The following ABI3 variants were observed in gnomAD, a reference collection of about 807,000 sequenced individuals.
ABI3 encodes ABI family member 3.
In ABI3, 24 loss-of-function variants were observed where a neutral mutation model predicts 37.0. That is an observed-to-expected ratio of 0.65 (90% CI 0.47 to 0.91). The LOEUF (loss-of-function observed/expected upper bound fraction) is 0.91, where lower values mean the gene tolerates loss of function less well. Among genes scored for constraint, ABI3 ranks in the 40% least tolerant of loss-of-function variants. ABI3 has a pLI of 0.00. For missense variants in ABI3, 481 were observed against 485.1 expected (o/e 0.99, Z 0.08); for synonymous variants, 220 against 211.8 (o/e 1.04, Z -0.34).
At chr17:49,222,429 G>T in intron 7 of ABI3, 123 bp from the exon 8 acceptor site, 1 of 1,397,436 alleles carries the variant, frequency 7.2e-7, no homozygotes, top group South Asian at 1.3e-5. Context: ...AGGCTTGCAA[G>T]AAGGCCCCCA....
rs2043307774 is a variant in ABI3, at chr17:49,222,806, G to A, written c.*91G>A. 1.4e-6 allele frequency: 2 copies of A among 1,389,940 alleles called. No homozygotes were observed. Among genetic ancestry groups the A allele is most frequent in the Non-Finnish European group, 1.9e-6 (2 of 1,029,866 alleles). 86.1% of individuals were successfully genotyped at this position (1,389,940 alleles called of 1,614,324 possible). A position where few individuals can be genotyped will look rare whatever the true frequency, so the allele number is the denominator to read the frequency against. The stretch of plus-strand genomic sequence containing the variant: ...CCAGCTCCAGTCACAGCTGGACTGG[G>A]TCTGCCCACCTCTTGGGCTGTGAGC... On this transcript the variant is annotated 3_prime_UTR_variant, in exon 8 of 8. Transcript: ENST00000225941.
At chr17:49,217,235 C>T (rs1178256648) in intron 2 of ABI3, among the ~76,000 whole-genome samples, 1 of 152,194 alleles carries the variant, frequency 6.6e-6, no homozygotes, top group African/African-American at 2.4e-5. Flanking sequence ...ACATCACCCA[C>T]ATGTTCAGTG....
chr17:49,216,924 C>G (rs1225679602), intron 2 of ABI3, among the ~76,000 whole-genome samples: 4 of 152,160 alleles, frequency 2.6e-5, no homozygotes, highest in African/African-American at 4.8e-5. Flanking sequence ...GAATTATATC[C>G]TGGACATGAG....
In ABI3 at chr17:49,212,734, G is replaced by A. The variant is rs80040844; in HGVS notation, c.117+1893G>A. ...CTAGTGTCAGAGCCTGAATTCAAAC[G>A]CAGAAATCTGATTCCAGAGCCCACT... is the stretch of plus-strand genomic sequence containing the variant. On this transcript the variant is annotated intron_variant, in intron 1 of 7. Transcript: ENST00000225941. Among the ~76,000 whole-genome samples the A allele has an allele frequency of 4.5e-3, 681 of 152,272 alleles. 4 individuals are homozygous for A. The highest frequency in any genetic ancestry group is 0.015 in the African/African-American group (639 of 41,550).
chr17:49,214,652 G>A (rs992595922), intron 1 of ABI3, among the ~76,000 whole-genome samples: 2 of 152,222 alleles, frequency 1.3e-5, no homozygotes, highest in Non-Finnish European at 2.9e-5. Context: ...GGAGGTTGGG[G>A]TGAGCTGAGA....
chr17:49,215,410 G>C (rs1402812011), intron 1 of ABI3, among the ~76,000 whole-genome samples: 1 of 152,086 alleles, frequency 6.6e-6, no homozygotes, highest in African/African-American at 2.4e-5. Context: ...AATGAATAAA[G>C]TCCCTCTGTT....
Position 49,219,442 on chromosome 17 carries a change from C to A in ABI3, c.463-98C>A. 1 of 1,105,416 alleles carries A rather than the reference C, an allele frequency of 9.0e-7. No individual in the cohort carries two copies. The highest frequency in any genetic ancestry group is 1.3e-6 in the Non-Finnish European group (1 of 765,748). 68.5% of individuals were successfully genotyped at this position (1,105,416 alleles called of 1,614,324 possible). On this transcript the variant is annotated intron_variant, in intron 3 of 7. Transcript: ENST00000225941. This position sits in a 1 kb window ranked among gnomAD's most constrained non-coding sequence, Gnocchi z 4.3. The stretch of plus-strand genomic sequence containing the variant: ...AACTGGCTATGCCGGGCTCTCCCTC[C>A]CGGTTCCCGTCCGCCCCTCCTCCAT...
Position 49,222,851 on chromosome 17 carries a change from C to G in ABI3, c.*136C>G. 2 of 1,010,474 alleles carry G rather than the reference C, an allele frequency of 2.0e-6. No homozygotes were observed. Among genetic ancestry groups the G allele is most frequent in the Non-Finnish European group, 2.8e-6 (2 of 711,052 alleles). 62.6% of individuals were successfully genotyped at this position (1,010,474 alleles called of 1,614,324 possible). ...GTGAGCTGTGTTCTGTCCTTCCTCC[C>G]ATCGGAGGGAGAAGGGGTCCTGGGG... On this transcript the variant is annotated 3_prime_UTR_variant, in exon 8 of 8. Transcript: ENST00000225941.
Position 49,219,894 on chromosome 17 carries a change from G to T in ABI3, c.585G>T (p.Pro195=). ...GGATTCCCGAGCCAGTGCACCTGCC[G>T]GTGGTGCCCGACGGCAGACTCTCCG... The part of the protein sequence containing the change: ...PPRIPEPVHL[P]VVPDGRLSAA... Residue 195 remains proline (P), a synonymous_variant, in exon 5 of 8, where the codon CCG becomes CCT. Coordinates refer to ENST00000225941, the MANE Select transcript of ABI3 (RefSeq NM_016428.3). The surrounding 1 kb of genome is among the most constrained non-coding windows in gnomAD (Gnocchi z 4.3). 2 of 1,553,866 alleles carry T rather than the reference G, an allele frequency of 1.3e-6. No homozygotes were observed. The highest frequency in any genetic ancestry group is 1.4e-5 in the African/African-American group (1 of 73,750).
chr17:49,223,151 C>T lies in ABI3; in HGVS notation c.*436C>T. 2.4e-6 allele frequency: 1 copy of T among 413,612 alleles called. No homozygotes were observed. 25.6% of individuals were successfully genotyped at this position (413,612 alleles called of 1,614,324 possible). ...AGCATCTTCCCATTTCCTCAGTACCCACAAAGTGCAGCCCACATTGGACCC... is the reference window on the plus strand; with the variant it reads ...AGCATCTTCCCATTTCCTCAGTACCTACAAAGTGCAGCCCACATTGGACCC... On this transcript the variant is annotated 3_prime_UTR_variant, in exon 8 of 8. Coordinates refer to ENST00000225941, the MANE Select transcript of ABI3 (RefSeq NM_016428.3).
chr17:49,220,109 C>A, intron 5 of ABI3, 60 bp from the exon 6 acceptor site: 1 of 1,606,876 alleles, frequency 6.2e-7, no homozygotes, highest in East Asian at 2.2e-5. Flanking sequence ...AGGGGTGGGG[C>A]CAGTTGGGGA....
Position 49,218,608 on chromosome 17 carries a change from A to AT in ABI3, c.462+705dup, listed in dbSNP as rs566080612. Among the ~76,000 whole-genome samples the AT allele has an allele frequency of 1.2e-3, 173 of 146,146 alleles. No individual in the cohort carries two copies. The Middle Eastern group carries it at 0.014, about 12-fold the overall frequency. On this transcript the variant is annotated intron_variant, in intron 3 of 7. Transcript: ENST00000225941. ...AGTAGTTCTCTGTTGTCCAACTTAT[A>AT]TTTTTTTTTTTTGAGATGGAGTTTC...
At chr17:49,222,307 T>C (rs2043299824) in intron 7 of ABI3, 82 bp downstream of exon 7, 1 of 1,525,660 alleles carries the variant, frequency 6.6e-7, no homozygotes, top group East Asian at 2.3e-5. Flanking sequence ...TCTGCAAAGG[T>C]GTGAATCTAT....
intron 6 of ABI3, among the ~76,000 whole-genome samples, chr17:49,220,701 G>A (rs1011089146): frequency 5.9e-5 from 9 of 151,830 alleles, no homozygotes; most frequent in Admixed American, 1.3e-4. Context: ...AAAATTGACC[G>A]GGCGTGGTGG....
intron 5 of ABI3, 72 bp downstream of exon 5, chr17:49,220,025 G>A: frequency 2.0e-6 from 3 of 1,531,536 alleles, no homozygotes. Context: ...CCTGCCAGTG[G>A]TCATAGTGAC....
At position 49,210,712 on chromosome 17, in the gene ABI3, G is replaced by T. The variant is rs1212338008; in HGVS notation, c.-13G>T. 1.3e-6 allele frequency: 2 copies of T among 1,552,108 alleles called. No homozygotes were observed. The highest frequency in any genetic ancestry group is 1.7e-6 in the Non-Finnish European group (2 of 1,146,368). On this transcript the variant is annotated 5_prime_UTR_variant, in exon 1 of 8. Transcript: ENST00000225941. This position sits in a 1 kb window ranked among gnomAD's most constrained non-coding sequence, Gnocchi z 4.2. Reference sequence around the variant, plus strand: ...AGCGGGCTCCCTGGGGAGCCAGACAGAGGCTGGGGGTGATGGCGGAGCTAC... The same window carrying T: ...AGCGGGCTCCCTGGGGAGCCAGACATAGGCTGGGGGTGATGGCGGAGCTAC...
At chr17:49,217,651 C>CA in intron 2 of ABI3, 88 bp from the exon 3 acceptor site, 2 of 1,302,392 alleles carry the variant, frequency 1.5e-6, no homozygotes, top group Non-Finnish European at 2.1e-6. Flanking sequence ...CTCCCCCCCC[C>CA]AGCCCAGTCT....
chr17:49,211,841 G>A (rs575028892), intron 1 of ABI3, among the ~76,000 whole-genome samples: 2 of 152,118 alleles, frequency 1.3e-5, no homozygotes, highest in South Asian at 2.1e-4. Context: ...ACAGGGTTTC[G>A]CCATGTTGGT....
At position 49,219,876 on chromosome 17, in the gene ABI3, C is replaced by T. The variant is rs1245912077; in HGVS notation, c.567C>T (p.Pro189=). The T allele has an allele frequency of 1.3e-6, 2 of 1,545,308 alleles. No homozygotes were observed. Among genetic ancestry groups the T allele is most frequent in the Non-Finnish European group, 1.7e-6 (2 of 1,150,860 alleles). The part of the protein sequence containing the change: ...SATLGRPPRI[P]EPVHLPVVPD... ...CCGCCAGGAGACCACCCCGGATTCC[C>T]GAGCCAGTGCACCTGCCGGTGGTGC... Residue 189 remains proline, a synonymous_variant, in exon 5 of 8, where the codon CCC becomes CCT. Transcript: ENST00000225941. This position sits in a 1 kb window ranked among gnomAD's most constrained non-coding sequence, Gnocchi z 4.3.
Sources: allele counts gnomAD v4.1 joint callset (sites outside exome capture counted in the v4.1 genomes callset), GRCh38; gene constraint gnomAD v4.1.1; non-coding constraint Gnocchi (gnomAD v3.1); transcripts MANE v1.5; gene names NCBI Gene and HGNC (gene_info 2026-07-23, HGNC 2026-07-21).